Variants in SAMD4A observed in about 807,000 individuals in gnomAD.
The protein encoded by SAMD4A is protein Smaug homolog 1.
A neutral mutation model predicts 81.3 loss-of-function variants in SAMD4A; 33 were observed. The observed-to-expected ratio is 0.41, with a 90% CI of 0.31 to 0.54. SAMD4A has a LOEUF of 0.54. Among genes scored for constraint, SAMD4A ranks in the 20% least tolerant of loss-of-function variants. The pLI is 0.37. For synonymous variants in SAMD4A, 389 were observed against 382.1 expected (o/e 1.02, Z -0.21); for missense variants, 854 against 951.1 (o/e 0.90, Z 1.34).
intron 4 of SAMD4A, among the ~76,000 whole-genome samples, chr14:54,742,406 C>T (rs1017576986): frequency 6.6e-6 from 1 of 152,136 alleles, no homozygotes; most frequent in Non-Finnish European, 1.5e-5. Flanking sequence ...AGGTGTGCAA[C>T]CCCCTCAGTG....
At chr14:54,764,670 G>A in intron 8 of SAMD4A, 130 bp downstream of exon 8, 1 of 628,242 alleles carries the variant, frequency 1.6e-6, no homozygotes, top group Non-Finnish European at 2.8e-6. Context: ...ATTAATAATA[G>A]GTTGGGCAGA....
rs2038025865 is a variant in SAMD4A at position 54,748,693 on chromosome 14, C to T, written c.980-122C>T. ...AATACATAGTAACATAAAGGTGTTA[C>T]TTTTTCTTTTTTTTTCCTTTGACCA... is the stretch of plus-strand genomic sequence containing the variant. On this transcript the variant is annotated intron_variant, in intron 4 of 12. Coordinates refer to ENST00000554335, the MANE Select transcript of SAMD4A (RefSeq NM_015589.6). 3 of 671,964 alleles carry T rather than the reference C, an allele frequency of 4.5e-6. No homozygotes were observed. In the South Asian group the frequency reaches 5.7e-5, roughly 13 times the overall value. The allele number at this position is 671,964 out of a possible 1,614,324, so 41.6% of individuals were successfully genotyped here.
intron 3 of SAMD4A, among the ~76,000 whole-genome samples, chr14:54,736,629 C>T (rs976478441): frequency 2.0e-5 from 3 of 152,246 alleles, no homozygotes; most frequent in Non-Finnish European, 4.4e-5. Context: ...GTTTAAAAAA[C>T]AACAGCAACA....
At chr14:54,580,374 A>C (rs1023557429) in intron 2 of SAMD4A, among the ~76,000 whole-genome samples, 5 of 152,224 alleles carry the variant, frequency 3.3e-5, no homozygotes, top group Admixed American at 1.3e-4. Flanking sequence ...AATAAAGCAC[A>C]GTTTGTTTGG....
intron 2 of SAMD4A, among the ~76,000 whole-genome samples, chr14:54,700,151 A>G (rs1248001948): frequency 6.6e-6 from 1 of 152,196 alleles, no homozygotes; most frequent in Non-Finnish European, 1.5e-5. Flanking sequence ...GATTCCAGCT[A>G]TGCAGAGACA....
chr14:54,660,827 G>A lies in SAMD4A; in HGVS notation c.197-41235G>A, dbSNP rs558281085. Among the ~76,000 whole-genome samples, 13 of 152,316 alleles carry A rather than the reference G, an allele frequency of 8.5e-5. No individual in the cohort carries two copies. In the South Asian group the frequency reaches 2.7e-3, roughly 32 times the overall value. ...CTTTGGATGGCTTCCATTAGACTTGGTATCCAAGCATATCCCTCCAGTCCT... is the reference window on the plus strand; with the variant it reads ...CTTTGGATGGCTTCCATTAGACTTGATATCCAAGCATATCCCTCCAGTCCT... On this transcript the variant is annotated intron_variant, in intron 2 of 12. Transcript: ENST00000554335.
chr14:54,743,193 T>C (rs2037887323), intron 4 of SAMD4A, among the ~76,000 whole-genome samples: 1 of 152,204 alleles, frequency 6.6e-6, no homozygotes, highest in Non-Finnish European at 1.5e-5. Flanking sequence ...CTGGGACATG[T>C]TTCAGCATGG....
At chr14:54,613,137 A>G (rs28632180) in intron 2 of SAMD4A, among the ~76,000 whole-genome samples, 64 of 144,642 alleles carry the variant, frequency 4.4e-4, no homozygotes, top group African/African-American at 1.2e-3. Context: ...AGAGAGAGAG[A>G]AAGGAAGGAA....
intron 2 of SAMD4A, chr14:54,682,017 TA>T (rs2036139786): frequency 1.0e-6 from 1 of 985,344 alleles, no homozygotes; most frequent in Admixed American, 6.1e-5. Flanking sequence ...GGACTGGCCT[TA>T]CAGAGTGTTA....
Position 54,770,121 on chromosome 14 carries a change from G to GA in SAMD4A, c.1621dup (p.Arg541LysfsTer111). On this transcript the variant is annotated frameshift_variant, in exon 9 of 13. Coordinates refer to ENST00000554335, the MANE Select transcript of SAMD4A (RefSeq NM_015589.6). LOFTEE classifies it high-confidence loss of function. ...TTTTGCAGGCATTTACAGAGACACAGAAAAAAAGATTGTTGTCATGGAAAC... is the reference window on the plus strand; with the variant it reads ...TTTTGCAGGCATTTACAGAGACACAGAAAAAAAAGATTGTTGTCATGGAAAC... 3 of 1,613,760 alleles carry GA rather than the reference G, an allele frequency of 1.9e-6. No individual in the cohort carries two copies. The highest frequency in any genetic ancestry group is 2.5e-6 in the Non-Finnish European group (3 of 1,179,722).
At chr14:54,686,319 G>A (rs1047111564) in intron 2 of SAMD4A, among the ~76,000 whole-genome samples, 4 of 152,090 alleles carry the variant, frequency 2.6e-5, no homozygotes, top group Non-Finnish European at 4.4e-5. Flanking sequence ...ATCATTAGTC[G>A]GGAAGGCCTA....
intron 2 of SAMD4A, among the ~76,000 whole-genome samples, chr14:54,590,999 T>A (rs1335546600): frequency 6.6e-6 from 1 of 152,226 alleles, no homozygotes; most frequent in Non-Finnish European, 1.5e-5. Context: ...CCTCAATTGC[T>A]GAAGCAGCTT....
At chr14:54,649,790 T>C (rs759019389) in intron 2 of SAMD4A, among the ~76,000 whole-genome samples, 2 of 152,248 alleles carry the variant, frequency 1.3e-5, no homozygotes, top group Non-Finnish European at 2.9e-5. Flanking sequence ...GAGGAACTTT[T>C]TCTAATTTTT....
intron 2 of SAMD4A, among the ~76,000 whole-genome samples, chr14:54,655,955 G>GTT (rs953102114): frequency 1.3e-5 from 2 of 152,144 alleles, no homozygotes; most frequent in African/African-American, 4.8e-5. Flanking sequence ...ACATAGGTTT[G>GTT]TTTTGGTGAG....
intron 2 of SAMD4A, among the ~76,000 whole-genome samples, chr14:54,581,702 A>G (rs530545836): frequency 4.6e-5 from 7 of 152,226 alleles, no homozygotes; most frequent in Non-Finnish European, 8.8e-5. Flanking sequence ...AAAGCATGCC[A>G]CAGGGATTCT....
intron 2 of SAMD4A, among the ~76,000 whole-genome samples, chr14:54,594,335 A>G (rs920080716): frequency 2.0e-5 from 3 of 151,766 alleles, no homozygotes; most frequent in African/African-American, 7.3e-5. Context: ...AGGTAGGAGG[A>G]TTGCTTGAGC....
chr14:54,715,889 G>A (rs1458945739), intron 3 of SAMD4A, among the ~76,000 whole-genome samples: 3 of 152,016 alleles, frequency 2.0e-5, no homozygotes, highest in Admixed American at 6.6e-5. Context: ...AAATAATACT[G>A]GTTTAAGGTC....
intron 3 of SAMD4A, among the ~76,000 whole-genome samples, chr14:54,713,173 A>AGCTT (rs2037033550): frequency 6.6e-6 from 1 of 151,652 alleles, no homozygotes; most frequent in Non-Finnish European, 1.5e-5. Flanking sequence ...TCATGACTGT[A>AGCTT]GCTTACACAT....
At chr14:54,758,341 T>G (rs2038300807) in intron 6 of SAMD4A, among the ~76,000 whole-genome samples, 1 of 152,146 alleles carries the variant, frequency 6.6e-6, no homozygotes, top group South Asian at 2.1e-4. Context: ...AACAGGCACG[T>G]CCAAGCCTGC....
Sources: gnomAD v4.1 joint callset for allele counts (sites outside exome capture counted in the v4.1 genomes callset) on GRCh38, gnomAD v4.1.1 for gene constraint, MANE v1.5 for transcripts, NCBI Gene and HGNC (gene_info 2026-07-23, HGNC 2026-07-21) for gene names.